The following RIN2 variants were observed in gnomAD, a reference collection of about 807,000 sequenced individuals.
RIN2 encodes the protein RAB5 interacting protein 2.
A neutral mutation model predicts 78.0 loss-of-function variants in RIN2; 36 were observed. The ratio of observed to expected loss-of-function variants is 0.46; its 90% CI spans 0.35 to 0.61. The LOEUF (loss-of-function observed/expected upper bound fraction) is 0.61, where lower values mean the gene tolerates loss of function less well. Ranked by LOEUF, RIN2 falls within the 20% of genes least tolerant of loss-of-function variation. The pLI is 0.00. For missense variants in RIN2, 1,087 were observed against 1,159.7 expected (o/e 0.94, Z 0.91); for synonymous variants, 466 against 466.8 (o/e 1.00, Z 0.02).
chr20:19,935,613 A>G, intron 4 of RIN2: 8 of 993,150 alleles, frequency 8.1e-6, no homozygotes, highest in Non-Finnish European at 9.6e-6. Context: ...CTCAGGTCAG[A>G]GAAAAACCCC....
intron 9 of RIN2, among the ~76,000 whole-genome samples, chr20:19,984,294 A>G (rs770929962): frequency 6.6e-6 from 1 of 152,162 alleles, no homozygotes; most frequent in Non-Finnish European, 1.5e-5. Flanking sequence ...ACTTACACAA[A>G]GCTAGATGGC....
chr20:19,981,932 A>G (rs1509575), intron 9 of RIN2, among the ~76,000 whole-genome samples: 59,165 of 152,066 alleles, frequency 0.39, 13,918 homozygotes, highest in African/African-American at 0.65. Context: ...AGAGTTACAC[A>G]CCTGTATTCT....
At chr20:19,986,680 A>AT (rs772421261) in intron 9 of RIN2, among the ~76,000 whole-genome samples, 1 of 152,174 alleles carries the variant, frequency 6.6e-6, no homozygotes, top group East Asian at 1.9e-4. Flanking sequence ...TTTGGGGATG[A>AT]TTTGTATTAA....
chr20:19,910,172 T>G lies in RIN2; in HGVS notation c.57+20514T>G, dbSNP rs553029371. On this transcript the variant is annotated intron_variant, in intron 3 of 12. Coordinates refer to ENST00000255006, the MANE Select transcript of RIN2 (RefSeq NM_018993.4). ...TAATTTTTTATTTATTTTAATTTTT[T>G]TCATACTTTCTCTCTTTTTTTTGAG... 1.1e-4 allele frequency among the ~76,000 whole-genome samples: 16 copies of G among 152,346 alleles called. No individual in the cohort carries two copies. The South Asian group carries it at 3.1e-3, about 30-fold the overall frequency.
intron 2 of RIN2, among the ~76,000 whole-genome samples, chr20:19,838,688 A>T (rs1008989397): frequency 1.6e-4 from 24 of 152,176 alleles, no homozygotes; most frequent in African/African-American, 5.8e-4. Flanking sequence ...CATACTCCCA[A>T]CTGTGGTGAA....
rs1568807664 is a variant in RIN2 at position 19,844,670 on chromosome 20, CTTCT to C, written c.-36-44894_-36-44891del. ...CTTCTTCTTCTTCTTCTTCTTCTTCCTTCTTCTTCTTCTTCCTCTTCCTCTTCCT... is the reference window on the plus strand; with the variant it reads ...CTTCTTCTTCTTCTTCTTCTTCTTCCTCTTCTTCTTCCTCTTCCTCTTCCT... On this transcript the variant is annotated intron_variant, in intron 2 of 12. Transcript: ENST00000255006. Among the ~76,000 whole-genome samples the C allele has an allele frequency of 4.6e-3, 185 of 40,608 alleles. 4 individuals carry two copies. Among genetic ancestry groups the C allele is most frequent in the African/African-American group, 0.019 (176 of 9,344 alleles). 26.6% of individuals were successfully genotyped at this position (40,608 alleles called of 152,430 possible). A position where few individuals can be genotyped will look rare whatever the true frequency, so the allele number is the denominator to read the frequency against.
chr20:19,844,283 A>G (rs1274593561), intron 2 of RIN2, among the ~76,000 whole-genome samples: 3 of 152,194 alleles, frequency 2.0e-5, no homozygotes, highest in African/African-American at 2.4e-5. Flanking sequence ...GGGACCAACT[A>G]TTCTACTAAG....
chr20:19,890,699 AAAAAC>A (rs1243046466), intron 3 of RIN2, among the ~76,000 whole-genome samples: 1 of 151,124 alleles, frequency 6.6e-6, no homozygotes, highest in African/African-American at 2.4e-5. Flanking sequence ...AAAAAAAAAA[AAAAAC>A]CATCAGAAGA....
chr20:19,827,452 A>C, intron 2 of RIN2, among the ~76,000 whole-genome samples: 1 of 152,244 alleles, frequency 6.6e-6, no homozygotes, highest in Non-Finnish European at 1.5e-5. Context: ...CCTGGAGCCC[A>C]CAGCTTCATA....
chr20:19,806,673 G>A (rs2035417560), intron 2 of RIN2, among the ~76,000 whole-genome samples: 1 of 152,190 alleles, frequency 6.6e-6, no homozygotes, highest in Non-Finnish European at 1.5e-5. Context: ...GAGGTGGGAT[G>A]ATTGCCTGAG....
At chr20:19,944,525 G>C (rs2041007262) in intron 4 of RIN2, among the ~76,000 whole-genome samples, 1 of 152,150 alleles carries the variant, frequency 6.6e-6, no homozygotes, top group African/African-American at 2.4e-5. Flanking sequence ...TAGAAGCCTG[G>C]GCCCTCCGGC....
At chr20:19,956,350 A>C (rs531647306) in intron 4 of RIN2, among the ~76,000 whole-genome samples, 75 of 152,206 alleles carry the variant, frequency 4.9e-4, no homozygotes, top group Admixed American at 1.8e-3. Context: ...TAGGATGCTT[A>C]GAACTTTTGA....
chr20:19,791,771 G>A (rs2034895132), intron 1 of RIN2, among the ~76,000 whole-genome samples: 1 of 152,206 alleles, frequency 6.6e-6, no homozygotes, highest in Non-Finnish European at 1.5e-5. Context: ...GGCATTTTGA[G>A]GAAATGCTCA....
intron 2 of RIN2, among the ~76,000 whole-genome samples, chr20:19,888,342 T>A (rs1231484324): frequency 1.3e-5 from 2 of 152,208 alleles, no homozygotes; most frequent in East Asian, 3.9e-4. Flanking sequence ...TGTGCAAAGA[T>A]CCTTGCTCAC....
intron 1 of RIN2, among the ~76,000 whole-genome samples, chr20:19,760,894 G>A (rs922228815): frequency 1.3e-5 from 2 of 152,162 alleles, no homozygotes; most frequent in African/African-American, 2.4e-5. Flanking sequence ...GTGTGTGTAT[G>A]TGTATGTATC....
At chr20:19,924,501 C>A (rs1451202568) in intron 3 of RIN2, among the ~76,000 whole-genome samples, 1 of 52,780 alleles carries the variant, frequency 1.9e-5, no homozygotes, top group Non-Finnish European at 4.2e-5. Flanking sequence ...ACCTTCATAC[C>A]CCCACCTTCA....
chr20:19,772,051 G>A (rs993851541), intron 1 of RIN2, among the ~76,000 whole-genome samples: 3 of 152,052 alleles, frequency 2.0e-5, no homozygotes, highest in Non-Finnish European at 4.4e-5. Flanking sequence ...ACAGATGCGC[G>A]CTCTCAGTTA....
At chr20:19,882,551 G>A (rs138251007) in intron 2 of RIN2, among the ~76,000 whole-genome samples, 10 of 152,278 alleles carry the variant, frequency 6.6e-5, no homozygotes, top group African/African-American at 2.4e-4. Flanking sequence ...ACTGCTAACA[G>A]GTTGATGAGT....
chr20:19,829,940 A>G (rs1235950208), intron 2 of RIN2, among the ~76,000 whole-genome samples: 2 of 152,226 alleles, frequency 1.3e-5, no homozygotes, highest in Non-Finnish European at 2.9e-5. Flanking sequence ...TGCGTGGTAG[A>G]ATCTAAATCA....
Sources: gnomAD v4.1 joint callset for allele counts (sites outside exome capture counted in the v4.1 genomes callset) on GRCh38, gnomAD v4.1.1 for gene constraint, MANE v1.5 for transcripts, NCBI Gene and HGNC (gene_info 2026-07-23, HGNC 2026-07-21) for gene names.